The following RUNX1 variants were observed in gnomAD, a reference collection of about 807,000 sequenced individuals.
RUNX1 encodes the protein runt-related transcription factor 1.
A neutral mutation model predicts 42.8 loss-of-function variants in RUNX1; 19 were observed. The observed-to-expected ratio is 0.44, with a 90% confidence interval of 0.31 to 0.65. RUNX1 has a LOEUF of 0.65. Among genes scored for constraint, RUNX1 ranks in the 30% least tolerant of loss-of-function variants. The pLI is 0.07. For missense variants in RUNX1, 528 were observed against 672.0 expected (o/e 0.79, Z 2.37); for synonymous variants, 271 against 289.4 (o/e 0.94, Z 0.64).
chr21:34,834,731 A>T, intron 6 of RUNX1, 130 bp from the exon 7 acceptor site: 2 of 795,960 alleles, frequency 2.5e-6, no homozygotes, highest in South Asian at 3.3e-5. Context: ...CCCTCACCCC[A>T]ACATAGACTC....
At chr21:34,918,821 G>A (rs983780410) in intron 2 of RUNX1, among the ~76,000 whole-genome samples, 3 of 152,146 alleles carry the variant, frequency 2.0e-5, no homozygotes, top group Non-Finnish European at 4.4e-5. Context: ...CAGGAGAATC[G>A]CTTGAACCCA....
chr21:34,917,266 G>A (rs1049513980), intron 2 of RUNX1, among the ~76,000 whole-genome samples: 4 of 152,210 alleles, frequency 2.6e-5, no homozygotes, highest in African/African-American at 7.2e-5. Context: ...TGAAGGGGCT[G>A]TGGAAGCCAA....
At chr21:34,971,058 G>C (rs1421272244) in intron 2 of RUNX1, among the ~76,000 whole-genome samples, 3 of 152,076 alleles carry the variant, frequency 2.0e-5, no homozygotes, top group Non-Finnish European at 4.4e-5. Flanking sequence ...ATTTATTTCA[G>C]CTGTGTCCAT....
In RUNX1 at chr21:34,851,211, C is replaced by CA. The variant is rs113685475; in HGVS notation, c.613+8262dup. 6.8e-3 allele frequency among the ~76,000 whole-genome samples: 1,032 copies of CA among 152,226 alleles called. 11 individuals are homozygous for CA. Among genetic ancestry groups the CA allele is most frequent in the African/African-American group, 0.024 (982 of 41,530 alleles). On this transcript the variant is annotated intron_variant, in intron 6 of 8. Coordinates refer to ENST00000675419, the MANE Select transcript of RUNX1 (RefSeq NM_001754.5). Reference sequence around the variant, plus strand: ...AGAAAGCCCTTTAAAAACTTTACAGCAAAAAAACGACGTCTATCTCATGTA... The same window carrying CA: ...AGAAAGCCCTTTAAAAACTTTACAGCAAAAAAAACGACGTCTATCTCATGTA...
chr21:34,956,631 C>A (rs73900737), intron 2 of RUNX1, among the ~76,000 whole-genome samples: 7,188 of 152,174 alleles, frequency 0.047, 543 homozygotes, highest in African/African-American at 0.16. Context: ...CCCTAGATAC[C>A]ACTTTGTGTT....
chr21:35,030,259 C>T (rs1050904586), intron 2 of RUNX1, among the ~76,000 whole-genome samples: 1 of 152,034 alleles, frequency 6.6e-6, no homozygotes, highest in Non-Finnish European at 1.5e-5. Context: ...AGGAGGATGG[C>T]GTGAACCTGG....
At chr21:35,002,873 C>T (rs933495422) in intron 2 of RUNX1, among the ~76,000 whole-genome samples, 5 of 152,090 alleles carry the variant, frequency 3.3e-5, no homozygotes, top group Non-Finnish European at 7.3e-5. Flanking sequence ...CAAATGCAAG[C>T]ATGAGTGTAA....
intron 2 of RUNX1, among the ~76,000 whole-genome samples, chr21:34,989,324 C>A (rs1018426803): frequency 2.0e-5 from 3 of 151,928 alleles, no homozygotes; most frequent in African/African-American, 7.3e-5. Context: ...TCTCTTTATA[C>A]TGATCTTTGC....
At chr21:34,807,228 G>T (rs182803135) in intron 7 of RUNX1, among the ~76,000 whole-genome samples, 3 of 152,100 alleles carry the variant, frequency 2.0e-5, no homozygotes. Context: ...CCCCACAGGC[G>T]CTGGGAGAAG....
At chr21:34,967,275 G>A (rs1276510939) in intron 2 of RUNX1, among the ~76,000 whole-genome samples, 4 of 115,022 alleles carry the variant, frequency 3.5e-5, no homozygotes, top group East Asian at 2.9e-4. Flanking sequence ...AGCCAAAATC[G>A]CATCATTGCA....
chr21:34,943,049 C>T (rs565567907), intron 2 of RUNX1, among the ~76,000 whole-genome samples: 3 of 152,298 alleles, frequency 2.0e-5, no homozygotes, highest in South Asian at 2.1e-4. Flanking sequence ...CATTGGCACG[C>T]GGTCAATCTC....
chr21:34,980,966 C>T (rs2058841977), intron 2 of RUNX1, among the ~76,000 whole-genome samples: 1 of 152,174 alleles, frequency 6.6e-6, no homozygotes, highest in African/African-American at 2.4e-5. Context: ...AATTAGGTCA[C>T]CAACTTAGAG....
intron 2 of RUNX1, among the ~76,000 whole-genome samples, chr21:35,002,505 G>C (rs1232301877): frequency 6.6e-6 from 1 of 151,750 alleles, no homozygotes; most frequent in African/African-American, 2.4e-5. Context: ...TTGGCTCACT[G>C]CAACCTCCAC....
At position 34,799,297 on chromosome 21, in the gene RUNX1, T is replaced by A. The variant is rs768654237; in HGVS notation, c.967+4A>T. ...TGCAAAGAATGTGTTTTCAAGTGGC[T>A]TACTTGAGAGTCGACTGGAAAGTTC... On this transcript the variant is annotated splice_donor_region_variant and intron_variant, in intron 8 of 8. Coordinates refer to ENST00000675419, the MANE Select transcript of RUNX1 (RefSeq NM_001754.5). 1.2e-6 allele frequency: 2 copies of A among 1,614,146 alleles called. No homozygotes were observed. The highest frequency in any genetic ancestry group is 1.7e-6 in the Non-Finnish European group (2 of 1,179,992).
In RUNX1 at chr21:34,798,101, C is replaced by T. The variant is rs779541315; in HGVS notation, c.967+1200G>A. On this transcript the variant is annotated intron_variant, in intron 8 of 8. Transcript: ENST00000675419. ...GAAGTAATCACAACTGTCTGGAAAA[C>T]ACAACATTACACAACATTTAAAATG... The T allele has an allele frequency of 9.2e-5, 42 of 456,518 alleles. No individual in the cohort carries two copies. In the Admixed American group the frequency reaches 9.6e-4, roughly 10 times the overall value. The allele number at this position is 456,518 out of a possible 1,614,324, so 28.3% of individuals were successfully genotyped here.
chr21:34,816,619 G>T, intron 7 of RUNX1, among the ~76,000 whole-genome samples: 1 of 152,150 alleles, frequency 6.6e-6, no homozygotes, highest in East Asian at 1.9e-4. Context: ...CTGGGCCTCA[G>T]TGAGGACAAA....
At chr21:34,960,316 C>T (rs183446680) in intron 2 of RUNX1, among the ~76,000 whole-genome samples, 1 of 152,284 alleles carries the variant, frequency 6.6e-6, no homozygotes, top group African/African-American at 2.4e-5. Context: ...GGACTATGAA[C>T]AGAAGTGGGG....
In RUNX1 at chr21:34,907,160, C is replaced by T. The variant is rs1023191262; in HGVS notation, c.59-14197G>A. 2.0e-5 allele frequency among the ~76,000 whole-genome samples: 3 copies of T among 151,852 alleles called. No homozygotes were observed. Among genetic ancestry groups the T allele is most frequent in the African/African-American group, 7.3e-5 (3 of 41,106 alleles). On this transcript the variant is annotated intron_variant, in intron 2 of 8. Coordinates refer to ENST00000675419, the MANE Select transcript of RUNX1 (RefSeq NM_001754.5). This position sits in a 1 kb window ranked among gnomAD's most constrained non-coding sequence, Gnocchi z 5.3. ...CTAAGGACAGCACTTTCCTGGTGTA[C>T]AGTCTTTGGGGGCTCTTGACAGCAA...
In RUNX1 at chr21:34,792,508, G is replaced by A. The variant is rs745561479; in HGVS notation, c.1070C>T (p.Pro357Leu). 1 of 1,601,298 alleles carries A rather than the reference G, an allele frequency of 6.2e-7. No individual in the cohort carries two copies. Among genetic ancestry groups the A allele is most frequent in the Non-Finnish European group, 8.5e-7 (1 of 1,174,050 alleles). ...GCCGATGCCCGAGGTGACCGGCGTC[G>A]GGGAGTAGGTGAAGGCGCCTGGATA... ...MHYPGAFTYS[P>L]TPVTSGIGIG... The change falls in exon 9 of 9, where the codon CCG becomes CTG. Residue 357 changes from proline to leucine, a missense_variant. This residue lies in a region of RUNX1 where 331 missense variants were observed against 382.5 expected (regional missense o/e 0.87). Coordinates refer to ENST00000675419, the MANE Select transcript of RUNX1 (RefSeq NM_001754.5). This position sits in a 1 kb window ranked among gnomAD's most constrained non-coding sequence, Gnocchi z 6.9.
Sources: allele counts gnomAD v4.1 joint callset (sites outside exome capture counted in the v4.1 genomes callset), GRCh38; gene constraint gnomAD v4.1.1; regional missense constraint gnomAD v4.1.1; non-coding constraint Gnocchi (gnomAD v3.1); transcripts MANE v1.5; gene names NCBI Gene and HGNC (gene_info 2026-07-23, HGNC 2026-07-21).